ATP2B2: variants seen among roughly 807,000 people sequenced by gnomAD.
ATP2B2 encodes the protein plasma membrane calcium-transporting ATPase 2.
A neutral mutation model predicts 120.0 loss-of-function variants in ATP2B2; 15 were observed. The observed-to-expected ratio is 0.12, with a 90% CI of 0.08 to 0.19. The LOEUF (loss-of-function observed/expected upper bound fraction) is 0.19, where lower values mean the gene tolerates loss of function less well. ATP2B2 is among the 10% of genes least tolerant of loss of function. ATP2B2 has a pLI of 1.00. For synonymous variants in ATP2B2, 694 were observed against 700.3 expected (o/e 0.99, Z 0.14); for missense variants, 1,045 against 1,719.8 (o/e 0.61, Z 6.94).
rs111733941 is a variant in ATP2B2 at position 10,362,311 on chromosome 3, C to T, written c.1660-2188G>A. On this transcript the variant is annotated intron_variant, in intron 12 of 22. Transcript: ENST00000360273. ...ACTGGCTGTGCAGGGACAGGGAGGA[C>T]CCTCTGTCAGCAACTGGATGTATCC... Among the ~76,000 whole-genome samples, 488 of 152,328 alleles carry T rather than the reference C, an allele frequency of 3.2e-3. 2 individuals carry two copies. Among genetic ancestry groups the T allele is most frequent in the African/African-American group, 0.011 (465 of 41,568 alleles).
chr3:10,628,905 T>C (rs1393681454), intron 1 of ATP2B2, among the ~76,000 whole-genome samples: 2 of 152,234 alleles, frequency 1.3e-5, no homozygotes, highest in Non-Finnish European at 2.9e-5. Flanking sequence ...CTGATCAGTA[T>C]ATAACCTTGT....
intron 1 of ATP2B2, among the ~76,000 whole-genome samples, chr3:10,679,161 T>C (rs1249067710): frequency 3.3e-5 from 5 of 152,120 alleles, no homozygotes; most frequent in African/African-American, 1.2e-4. Context: ...ACCAGCCACA[T>C]CCTGGATTGC....
intron 2 of ATP2B2, among the ~76,000 whole-genome samples, chr3:10,538,688 A>C (rs911786614): frequency 6.6e-6 from 1 of 152,238 alleles, no homozygotes; most frequent in African/African-American, 2.4e-5. Flanking sequence ...GCTTCATGTT[A>C]AAACTCTCAA....
chr3:10,613,255 C>T (rs1304360991), intron 2 of ATP2B2, among the ~76,000 whole-genome samples: 1 of 152,146 alleles, frequency 6.6e-6, no homozygotes, highest in Non-Finnish European at 1.5e-5. Flanking sequence ...CCAGACCTCA[C>T]CCTGTGTGTG....
At chr3:10,608,030 T>C (rs978678493) in intron 2 of ATP2B2, among the ~76,000 whole-genome samples, 1 of 152,202 alleles carries the variant, frequency 6.6e-6, no homozygotes, top group Non-Finnish European at 1.5e-5. Flanking sequence ...CACTTTGAAA[T>C]CATCCCTGAC....
chr3:10,391,308 C>T (rs541349014), intron 5 of ATP2B2, among the ~76,000 whole-genome samples: 1 of 152,292 alleles, frequency 6.6e-6, no homozygotes, highest in Admixed American at 6.5e-5. Flanking sequence ...TGTTACCTTC[C>T]ACTTAGCCTC....
intron 2 of ATP2B2, among the ~76,000 whole-genome samples, chr3:10,423,240 T>G (rs1465231741): frequency 6.6e-6 from 1 of 152,248 alleles, no homozygotes; most frequent in East Asian, 1.9e-4. Context: ...TTTGTTAATC[T>G]GGCCACCCAT....
In ATP2B2 at chr3:10,340,104, C is replaced by G; in HGVS notation, c.3237+138G>C. 1 of 817,180 alleles carries G rather than the reference C, an allele frequency of 1.2e-6. No individual in the cohort carries two copies. 50.6% of individuals were successfully genotyped at this position (817,180 alleles called of 1,614,324 possible). On this transcript the variant is annotated intron_variant, in intron 21 of 22. Coordinates refer to ENST00000360273, the MANE Select transcript of ATP2B2 (RefSeq NM_001001331.4). The surrounding 1 kb of genome is among the most constrained non-coding windows in gnomAD (Gnocchi z 5.0). ...CCAGTATAGGACCTGGGACAAACCC[C>G]CTTGCTCAGATGTCCAGAGATAGGG...
chr3:10,612,411 C>G (rs1259036446), intron 2 of ATP2B2, among the ~76,000 whole-genome samples: 3 of 152,166 alleles, frequency 2.0e-5, no homozygotes, highest in Admixed American at 6.5e-5. Context: ...CACTGCTGCT[C>G]ACCCTTCCTT....
At chr3:10,655,874 C>T (rs540848314) in intron 1 of ATP2B2, among the ~76,000 whole-genome samples, 1 of 152,326 alleles carries the variant, frequency 6.6e-6, no homozygotes, top group East Asian at 1.9e-4. Flanking sequence ...ATTCAACGTG[C>T]CTCCTCCTTC....
chr3:10,612,652 CAG>C (rs1053912792), intron 2 of ATP2B2, among the ~76,000 whole-genome samples: 1 of 152,188 alleles, frequency 6.6e-6, no homozygotes, highest in African/African-American at 2.4e-5. Context: ...CCCTGAGCTG[CAG>C]AGTCATAACT....
chr3:10,664,116 C>T (rs2070862484), intron 1 of ATP2B2, among the ~76,000 whole-genome samples: 1 of 152,082 alleles, frequency 6.6e-6, no homozygotes. Context: ...GGAGGCTGAG[C>T]AGAGTCTAAG....
intron 3 of ATP2B2, among the ~76,000 whole-genome samples, chr3:10,518,662 C>T (rs2066922170): frequency 6.6e-6 from 1 of 152,258 alleles, no homozygotes; most frequent in Admixed American, 6.5e-5. Flanking sequence ...CATTCCTGGC[C>T]TAGTTACAGA....
At chr3:10,488,487 C>CTTCCTTCCT (rs1159169274) in intron 1 of ATP2B2, among the ~76,000 whole-genome samples, 1 of 102,844 alleles carries the variant, frequency 9.7e-6, no homozygotes, top group Non-Finnish European at 2.0e-5. Context: ...TCCTTCCTTC[C>CTTCCTTCCT]TTCCTTCCTT....
At chr3:10,531,644 G>A (rs987624437) in intron 3 of ATP2B2, among the ~76,000 whole-genome samples, 3 of 152,198 alleles carry the variant, frequency 2.0e-5, no homozygotes, top group Admixed American at 2.0e-4. Flanking sequence ...TGTGTGGAGA[G>A]AGATGCTACT....
chr3:10,524,795 G>C lies in ATP2B2; in HGVS notation c.-320+9244C>G, dbSNP rs190742098. On this transcript the variant is annotated intron_variant, in intron 3 of 21. Coordinates refer to the ATP2B2 transcript ENST00000646379. ...TCCTGGCTAGAGGTGGGAGAGTCAG[G>C]GTTTGACCCTGGCCATCTGTTTGCA... 2.0e-3 allele frequency among the ~76,000 whole-genome samples: 302 copies of C among 152,238 alleles called. 1 individual carries two copies. The highest frequency in any genetic ancestry group is 7.0e-3 in the African/African-American group (292 of 41,546).
chr3:10,378,298 C>T lies in ATP2B2; in HGVS notation c.1155G>A (p.Val385=), dbSNP rs142881365. The T allele has an allele frequency of 2.9e-4, 464 of 1,609,668 alleles. No homozygotes were observed. Among genetic ancestry groups the T allele is most frequent in the Non-Finnish European group, 3.8e-4 (446 of 1,180,028 alleles). The stretch of plus-strand genomic sequence containing the variant: ...CCAGCTTGGTGAGCTTGCCCTGCAG[C>T]ACGGACTTCTCCTTCTTGTGCATGC... ...KASMHKKEKS[V]LQGKLTKLAV... Residue 385 remains valine (V), a synonymous_variant, in exon 10 of 23, where the codon GTG becomes GTA. Coordinates refer to ENST00000360273, the MANE Select transcript of ATP2B2 (RefSeq NM_001001331.4).
intron 1 of ATP2B2, among the ~76,000 whole-genome samples, chr3:10,695,252 G>C (rs2071724961): frequency 2.3e-5 from 1 of 42,762 alleles, no homozygotes; most frequent in Admixed American, 1.8e-4. Flanking sequence ...GGGAGGGAGG[G>C]AGAGAGAGAG....
chr3:10,388,471 A>G lies in ATP2B2; in HGVS notation c.782-69T>C. The G allele has an allele frequency of 2.5e-6, 4 of 1,611,982 alleles. No individual in the cohort carries two copies. In the South Asian group the frequency reaches 4.4e-5, roughly 18 times the overall value. ...GCCGTCTCCCCAAAGGAGTGAAAAA[A>G]TGTGGTCTCAGTCAGCTCCTGGCTC... On this transcript the variant is annotated intron_variant, in intron 5 of 22. Coordinates refer to ENST00000360273, the MANE Select transcript of ATP2B2 (RefSeq NM_001001331.4).
Sources: allele counts gnomAD v4.1 joint callset (sites outside exome capture counted in the v4.1 genomes callset), GRCh38; gene constraint gnomAD v4.1.1; non-coding constraint Gnocchi (gnomAD v3.1); transcripts MANE v1.5; gene names NCBI Gene and HGNC (gene_info 2026-07-23, HGNC 2026-07-21).